DENND2D: variants seen among roughly 807,000 people sequenced by gnomAD.
The protein encoded by DENND2D is DENN domain containing 2D, also known as DENN domain-containing protein 2D.
DENND2D carries 37 observed loss-of-function variants against 59.8 expected under a neutral mutation model. That is an observed-to-expected ratio of 0.62 (90% CI 0.48 to 0.81). DENND2D has a LOEUF of 0.81. Ranked by LOEUF, DENND2D falls within the 40% of genes least tolerant of loss-of-function variation. DENND2D has a pLI of 0.00. For synonymous variants in DENND2D, 219 were observed against 211.3 expected, an observed-to-expected ratio of 1.04 and a Z score of -0.31; for missense variants, 525 against 579.7, an observed-to-expected ratio of 0.91 and a Z score of 0.97.
upstream of DENND2D, chr1:111,204,075 T>C (rs942692): frequency 2.2e-3 from 364 of 163,596 alleles, 1 homozygote; most frequent in South Asian, 7.8e-3. Flanking sequence ...CCTCGCCCCC[T>C]CAGGCCTGGC....
At position 111,196,000 on chromosome 1, in the gene DENND2D, G is replaced by A; in HGVS notation, c.561C>T (p.Phe187=). The A allele has an allele frequency of 6.2e-7, 1 of 1,613,956 alleles. No homozygotes were observed. The highest frequency in any genetic ancestry group is 1.1e-5 in the South Asian group (1 of 91,062). ...AGGCTGCCTCTCGGAGGCCCTGCAT[G>A]AACGGGTAGATGACAGCCATGGAGA... ...HQISMAVIYP[F]MQGLREAAFP... The change falls in exon 6 of 12, where the codon TTC becomes TTT. Residue 187 remains phenylalanine (F), a synonymous_variant. Coordinates refer to ENST00000357640, the MANE Select transcript of DENND2D (RefSeq NM_024901.5).
At chr1:111,203,092 C>T (rs887807388), upstream of DENND2D, among the ~76,000 whole-genome samples, 2 of 152,220 alleles carry the variant, frequency 1.3e-5, no homozygotes, top group African/African-American at 4.8e-5. Flanking sequence ...CACCACTGCA[C>T]GGTCCCAGGC....
At chr1:111,200,706 A>T, upstream of DENND2D, 1 of 1,287,678 alleles carries the variant, frequency 7.8e-7, no homozygotes, top group African/African-American at 1.5e-5. Flanking sequence ...CTGGCACTGC[A>T]GCGCAGATCT....
chr1:111,197,193 A>C lies in DENND2D; in HGVS notation c.487T>G (p.Phe163Val), dbSNP rs1367076669. 1 of 1,613,630 alleles carries C rather than the reference A, an allele frequency of 6.2e-7. No homozygotes were observed. Among genetic ancestry groups the C allele is most frequent in the African/African-American group, 1.3e-5 (1 of 74,936 alleles). ...VYCIISCIGC[F>V]GLFSKILDEV... ...ATCCCTACCTTGGAGAACAAGCCGA[A>C]GCAGCCGATGCAGCTGATGATGCAG... The change falls in exon 5 of 12, where the codon TTC becomes GTC. Residue 163 changes from phenylalanine (F) to valine (V), a missense_variant. By Grantham distance (50) the Phe-to-Val change is conservative. Transcript: ENST00000357640.
chr1:111,189,318 G>T (rs192544265), intron 8 of DENND2D, 65 bp from the exon 9 acceptor site: 2 of 1,576,786 alleles, frequency 1.3e-6, no homozygotes, highest in African/African-American at 2.7e-5. Flanking sequence ...AGGATTTACC[G>T]TCTTGATTTC....
At chr1:111,203,912 C>CGGCGGGCACGCCGGGAGCTGA (rs1184509131), upstream of DENND2D, among the ~76,000 whole-genome samples, 4 of 151,852 alleles carry the variant, frequency 2.6e-5, no homozygotes, top group East Asian at 7.9e-4. Flanking sequence ...TGGGGCGGGG[C>CGGCGGGCACGCCGGGAGCTGA]GGCGGGCACG....
intron 6 of DENND2D, among the ~76,000 whole-genome samples, 163 bp from the exon 7 acceptor site, chr1:111,194,889 G>A (rs1658081878): frequency 6.6e-6 from 1 of 152,014 alleles, no homozygotes; most frequent in African/African-American, 2.4e-5. Flanking sequence ...GCACTGATGT[G>A]ATCTTGAGTA....
chr1:111,197,516 T>G, intron 4 of DENND2D: 2 of 1,392,410 alleles, frequency 1.4e-6, no homozygotes, highest in South Asian at 3.2e-5. Context: ...GCCTTAGAGA[T>G]GAAGAAATGG....
At chr1:111,192,062 A>G (rs1247602165) in intron 8 of DENND2D, 78 bp downstream of exon 8, 2 of 1,336,070 alleles carry the variant, frequency 1.5e-6, no homozygotes, top group Non-Finnish European at 2.0e-6. Context: ...CTAATCACAC[A>G]GCTGTAAGCA....
Position 111,200,373 on chromosome 1 carries a change from G to T in DENND2D, c.67+20C>A. 2 of 1,608,690 alleles carry T rather than the reference G, an allele frequency of 1.2e-6. No individual in the cohort carries two copies. The highest frequency in any genetic ancestry group is 1.7e-6 in the Non-Finnish European group (2 of 1,177,348). On this transcript the variant is annotated intron_variant, in intron 1 of 11. Coordinates refer to ENST00000357640, the MANE Select transcript of DENND2D (RefSeq NM_024901.5). ...AGAGGGTCACCCTAAAAACAAGGAAGTAGGCAGTCCAGTCCTGACCTGCTC... is the reference window on the plus strand; with the variant it reads ...AGAGGGTCACCCTAAAAACAAGGAATTAGGCAGTCCAGTCCTGACCTGCTC...
intron 5 of DENND2D, 87 bp from the exon 6 acceptor site, chr1:111,196,143 A>G (rs1658206705): frequency 2.0e-6 from 3 of 1,486,292 alleles, no homozygotes; most frequent in Non-Finnish European, 2.7e-6. Context: ...TGAGCGTCAT[A>G]ATGTTCTCAT....
At chr1:111,200,777 G>T, upstream of DENND2D, 1 of 1,149,214 alleles carries the variant, frequency 8.7e-7, no homozygotes, top group Non-Finnish European at 1.1e-6. Flanking sequence ...AACACCTCTG[G>T]CTGAAAGTAG....
chr1:111,192,442 T>C, intron 7 of DENND2D, 125 bp from the exon 8 acceptor site: 1 of 1,027,148 alleles, frequency 9.7e-7, no homozygotes, highest in African/African-American at 1.6e-5. Context: ...GAAAGGCAAG[T>C]CTGGGGGCCA....
chr1:111,197,550 G>A, intron 4 of DENND2D: 2 of 1,369,764 alleles, frequency 1.5e-6, no homozygotes, highest in South Asian at 1.7e-5. Context: ...CACTGTAAAG[G>A]TGACTTGGGG....
intron 4 of DENND2D, 28 bp from the exon 5 acceptor site, chr1:111,197,281 G>T (rs1431425546): frequency 6.2e-7 from 1 of 1,600,680 alleles, no homozygotes; most frequent in Admixed American, 1.7e-5. Flanking sequence ...GGCTCCTTCA[G>T]TGCTGCAGCC....
In DENND2D at chr1:111,192,297, T is replaced by G; in HGVS notation, c.815A>C (p.His272Pro). ...GGGGTAGAGCAGTGCGGCAGCAGCATGGATGCACTGAGACAAGGTGCTGGG... is the reference window on the plus strand; with the variant it reads ...GGGGTAGAGCAGTGCGGCAGCAGCAGGGATGCACTGAGACAAGGTGCTGGG... ...EGLSTLSQCI[H>P]AAAALLYPFS... The change falls in exon 8 of 12, where the codon CAT becomes CCT. Residue 272 changes from histidine (H) to proline (P), a missense_variant. Around this residue, in one of 3 missense-constraint regions of DENND2D, gnomAD observed 225 missense variants for 252.4 expected, o/e 0.89. Transcript: ENST00000357640. 6.2e-7 allele frequency: 1 copy of G among 1,607,714 alleles called. No individual in the cohort carries two copies. Among genetic ancestry groups the G allele is most frequent in the African/African-American group, 1.3e-5 (1 of 74,936 alleles).
At chr1:111,198,580 A>G (rs756629194) in intron 3 of DENND2D, 50 bp downstream of exon 3, 5 of 1,571,652 alleles carry the variant, frequency 3.2e-6, no homozygotes, top group South Asian at 2.2e-5. Context: ...GAACTCACAC[A>G]TGTTCCTTCT....
intron 4 of DENND2D, chr1:111,197,660 G>A: frequency 7.2e-7 from 1 of 1,381,094 alleles, no homozygotes; most frequent in Non-Finnish European, 9.4e-7. Context: ...GATAGAGCAG[G>A]CAGGGAGAGG....
upstream of DENND2D, among the ~76,000 whole-genome samples, chr1:111,202,754 G>C (rs949129327): frequency 6.6e-6 from 1 of 151,100 alleles, no homozygotes. Context: ...CTGTCCTGGG[G>C]CCAGAAAGGC....
Sources: gnomAD v4.1 joint callset for allele counts (sites outside exome capture counted in the v4.1 genomes callset) on GRCh38, gnomAD v4.1.1 for gene constraint, gnomAD v4.1.1 regional missense constraint, MANE v1.5 for transcripts, NCBI Gene and HGNC (gene_info 2026-07-23, HGNC 2026-07-21) for gene names.